FGD2: variants seen among roughly 807,000 people sequenced by gnomAD.
FGD2 encodes FYVE, RhoGEF and PH domain containing 2.
FGD2 carries 52 observed loss-of-function variants against 75.9 expected under a neutral mutation model. That is an observed-to-expected ratio of 0.69 (90% CI 0.55 to 0.86). The LOEUF (loss-of-function observed/expected upper bound fraction) is 0.86. Among genes scored for constraint, FGD2 ranks in the 40% least tolerant of loss-of-function variants. The probability of loss-of-function intolerance (pLI) is 0.00; values close to 1 mark genes in which losing one functional copy is unlikely to be tolerated. For missense variants in FGD2, 790 were observed against 872.0 expected (o/e 0.91, Z 1.18); for synonymous variants, 347 against 348.6 (o/e 1.00, Z 0.05).
Position 37,012,099 on chromosome 6 carries a change from A to G in FGD2, c.527+245A>G, listed in dbSNP as rs72848059. 0.08 allele frequency: 36,327 copies of G among 452,844 alleles called. 1,787 individuals are homozygous for G. The highest frequency in any genetic ancestry group is 0.098 in the Middle Eastern group (169 of 1,720). The allele number at this position is 452,844 out of a possible 1,614,324, so 28.1% of individuals were successfully genotyped here. ...AGGTCCTGGCCAAGCCAAGTGACCA[A>G]GTGACTTTGGGACAGTGAAAATAGC... On this transcript the variant is annotated intron_variant, in intron 4 of 15. Transcript: ENST00000274963.
chr6:37,022,425 T>A, intron 13 of FGD2, 55 bp downstream of exon 13: 1 of 1,514,978 alleles, frequency 6.6e-7, no homozygotes, highest in South Asian at 1.3e-5. Context: ...GGCCTCCACC[T>A]GCATCACCCA....
chr6:37,015,999 T>G, intron 9 of FGD2, 139 bp downstream of exon 9: 1 of 769,108 alleles, frequency 1.3e-6, no homozygotes, highest in Admixed American at 2.8e-5. Context: ...GATGGAAGAG[T>G]GTGGGGCTCT....
intron 9 of FGD2, among the ~76,000 whole-genome samples, chr6:37,017,867 C>A (rs1358509197): frequency 1.3e-5 from 2 of 152,196 alleles, no homozygotes; most frequent in Non-Finnish European, 2.9e-5. Context: ...GGGTGGGGTG[C>A]AGCCTGGGAA....
At chr6:37,019,199 T>A (rs146745510) in intron 9 of FGD2, among the ~76,000 whole-genome samples, 1 of 152,230 alleles carries the variant, frequency 6.6e-6, no homozygotes, top group African/African-American at 2.4e-5. Context: ...ATTTATGATG[T>A]TGCTTCCTAA....
chr6:37,022,074 C>A, intron 12 of FGD2, 165 bp from the exon 13 acceptor site: 1 of 913,366 alleles, frequency 1.1e-6, no homozygotes, highest in Non-Finnish European at 1.6e-6. Flanking sequence ...ACTAACGTAT[C>A]ATAAGGTCTC....
chr6:37,018,282 C>A (rs569249446), intron 9 of FGD2, among the ~76,000 whole-genome samples: 1 of 152,264 alleles, frequency 6.6e-6, no homozygotes, highest in South Asian at 2.1e-4. Flanking sequence ...CCTGTGTGTG[C>A]CGGGTCTCTG....
chr6:37,011,775 A>G lies in FGD2; in HGVS notation c.448A>G (p.Ile150Val). 6.2e-7 allele frequency: 1 copy of G among 1,614,176 alleles called. No homozygotes were observed. Among genetic ancestry groups the G allele is most frequent in the South Asian group, 1.1e-5 (1 of 91,080 alleles). The change falls in exon 4 of 16, where the codon ATC (isoleucine) becomes GTC (valine). Residue 150 changes from isoleucine (I) to valine (V), a missense_variant. Physicochemically the swap from Ile to Val is conservative, Grantham distance 29. Coordinates refer to ENST00000274963, the MANE Select transcript of FGD2 (RefSeq NM_173558.4). Reference protein sequence around the residue: ...KAFPEDVVRVIFSNISSIYQF... With the variant: ...KAFPEDVVRVVFSNISSIYQF... ...CTTCCCAGAGGATGTGGTCAGGGTC[A>G]TCTTCTCCAACATCTCCTCCATCTA...
chr6:37,014,737 C>T (rs760534691), intron 7 of FGD2, 33 bp downstream of exon 7: 174 of 1,613,402 alleles, frequency 1.1e-4, no homozygotes, highest in Non-Finnish European at 1.4e-4. Context: ...GAGCCCTGTC[C>T]CCCTCCCTGC....
intron 11 of FGD2, among the ~76,000 whole-genome samples, chr6:37,021,097 T>C (rs1317771653): frequency 2.0e-5 from 3 of 151,912 alleles, no homozygotes; most frequent in Non-Finnish European, 4.4e-5. Context: ...TTTGTATGCA[T>C]GTGTATGTAC....
chr6:37,028,106 G>A lies in FGD2; in HGVS notation c.1911G>A (p.Glu637=), dbSNP rs139516539. Reference sequence around the variant, plus strand: ...AGGGCCGCTGGGTGAAGGCCATGGAGCGGGCGGCCAGTGGCTGGAGCCCCA... The same window carrying A: ...AGGGCCGCTGGGTGAAGGCCATGGAACGGGCGGCCAGTGGCTGGAGCCCCA... ...ELKGRWVKAM[E]RAASGWSPSW... Residue 637 remains glutamate (E), a synonymous_variant, in exon 16 of 16, where the codon GAG becomes GAA. Transcript: ENST00000274963. The A allele has an allele frequency of 2.2e-5, 35 of 1,611,426 alleles. No homozygotes were observed. Among genetic ancestry groups the A allele is most frequent in the African/African-American group, 6.7e-5 (5 of 75,036 alleles).
chr6:37,009,144 T>C, intron 2 of FGD2, 79 bp downstream of exon 2: 1 of 1,379,882 alleles, frequency 7.2e-7, no homozygotes, highest in South Asian at 1.3e-5. Context: ...CATGCTTTCC[T>C]AGCCAGAGCC....
Position 37,005,664 on chromosome 6 carries a change from C to A in FGD2, c.-154C>A. On this transcript the variant is annotated 5_prime_UTR_variant, in exon 1 of 16. Transcript: ENST00000274963. ...CACTTCCTCTTTCTTCACTCTGAAG[C>A]CAAGAGCCGACCTTCTGAGCCCTCA... The A allele has an allele frequency of 1.3e-6, 1 of 778,380 alleles. No individual in the cohort carries two copies. Among genetic ancestry groups the A allele is most frequent in the Non-Finnish European group, 2.1e-6 (1 of 470,876 alleles). 48.2% of individuals were successfully genotyped at this position (778,380 alleles called of 1,614,324 possible).
At chr6:37,020,175 A>C (rs1402374083) in intron 9 of FGD2, among the ~76,000 whole-genome samples, 1 of 152,202 alleles carries the variant, frequency 6.6e-6, no homozygotes, top group Non-Finnish European at 1.5e-5. Flanking sequence ...TTAATGTTTT[A>C]TTATGAAAAT....
rs376918197 is a variant in FGD2, at chr6:37,012,711, T to TAA, written c.527+872_527+873dup. On this transcript the variant is annotated intron_variant, in intron 4 of 15. Transcript: ENST00000274963. The stretch of plus-strand genomic sequence containing the variant: ...TGGGTGACAGAGAGAGACCCTGACT[T>TAA]AAAAAAAAAAAAAAAAGAAAGAAAA... Among the ~76,000 whole-genome samples the TAA allele has an allele frequency of 4.6e-4, 58 of 127,300 alleles. No individual in the cohort carries two copies. The Middle Eastern group carries it at 0.012, about 26-fold the overall frequency. 83.5% of individuals were successfully genotyped at this position (127,300 alleles called of 152,430 possible).
intron 4 of FGD2, 116 bp downstream of exon 4, chr6:37,011,970 A>G (rs1765033579): frequency 2.5e-6 from 3 of 1,200,866 alleles, no homozygotes; most frequent in African/African-American, 1.5e-5. Flanking sequence ...TTGTGTGGCC[A>G]TGCCTCCCTG....
In FGD2 at chr6:37,014,698, T is replaced by A; in HGVS notation, c.876T>A (p.Thr292=). 6.2e-7 allele frequency: 1 copy of A among 1,614,022 alleles called. No homozygotes were observed. ...SAAQHSNAAI[T]EMERLQDLWE... Reference sequence around the variant, plus strand: ...CCCAGCACTCCAATGCAGCCATCACTGAGATGGTAAGCAGCCCGCCCTCTC... The same window carrying A: ...CCCAGCACTCCAATGCAGCCATCACAGAGATGGTAAGCAGCCCGCCCTCTC... The change falls in exon 7 of 16, where the codon ACT becomes ACA. Residue 292 remains threonine (T), a synonymous_variant. Coordinates refer to ENST00000274963, the MANE Select transcript of FGD2 (RefSeq NM_173558.4).
chr6:37,022,325 C>T lies in FGD2; in HGVS notation c.1413C>T (p.Phe471=), dbSNP rs766249153. The stretch of plus-strand genomic sequence containing the variant: ...TGTGCATGCGCTGCCAGGAGCCCTT[C>T]AACGCTCTGACGCGCCGTCGCCACC... The part of the protein sequence containing the change: ...VTMCMRCQEP[F]NALTRRRHHC... The change falls in exon 13 of 16, where the codon TTC becomes TTT. Residue 471 remains phenylalanine, a synonymous_variant. Transcript: ENST00000274963. 6.3e-7 allele frequency: 1 copy of T among 1,590,094 alleles called. No individual in the cohort carries two copies. The highest frequency in any genetic ancestry group is 2.4e-5 in the East Asian group (1 of 42,424).
At chr6:37,005,990 A>C in intron 1 of FGD2, 105 bp downstream of exon 1, 1 of 1,303,398 alleles carries the variant, frequency 7.7e-7, no homozygotes, top group Non-Finnish European at 1.1e-6. Flanking sequence ...CTCCTCCTGC[A>C]GGGGCAGCCC....
rs1407171943 is a variant in FGD2, at chr6:37,028,360, C to G, written c.*197C>G. ...CCATTCCTTTCTAGAAAGGGGACAA[C>G]CAAGTGTCTCAGTTTGCCTTGCGGG... is the stretch of plus-strand genomic sequence containing the variant. On this transcript the variant is annotated 3_prime_UTR_variant, in exon 16 of 16. Coordinates refer to ENST00000274963, the MANE Select transcript of FGD2 (RefSeq NM_173558.4). The G allele has an allele frequency of 2.0e-5, 11 of 554,168 alleles. No individual in the cohort carries two copies. Among genetic ancestry groups the G allele is most frequent in the Non-Finnish European group, 2.8e-5 (9 of 322,420 alleles). The allele number at this position is 554,168 out of a possible 1,614,324, so 34.3% of individuals were successfully genotyped here.
Sources: allele counts gnomAD v4.1 joint callset (sites outside exome capture counted in the v4.1 genomes callset), GRCh38; gene constraint gnomAD v4.1.1; transcripts MANE v1.5; gene names NCBI Gene and HGNC (gene_info 2026-07-23, HGNC 2026-07-21).